HOMER1: variants seen among roughly 807,000 people sequenced by gnomAD.
HOMER1 encodes homer protein homolog 1.
HOMER1 carries 3 observed loss-of-function variants against 48.9 expected under a neutral mutation model. That is an observed-to-expected ratio of 0.06 (90% CI 0.03 to 0.16). The LOEUF (loss-of-function observed/expected upper bound fraction) is 0.16. HOMER1 is among the 10% of genes least tolerant of loss of function. HOMER1 has a pLI of 1.00. For synonymous variants in HOMER1, 134 were observed against 146.4 expected, an observed-to-expected ratio of 0.92 and a Z score of 0.61; for missense variants, 247 against 411.4, an observed-to-expected ratio of 0.60 and a Z score of 3.46.
At chr5:79,452,818 TAC>T (rs1430184813) in intron 2 of HOMER1, among the ~76,000 whole-genome samples, 1 of 152,218 alleles carries the variant, frequency 6.6e-6, no homozygotes, top group Non-Finnish European at 1.5e-5. Flanking sequence ...TTCATACTTA[TAC>T]AGTTTCCTTA....
chr5:79,501,519 T>G (rs188263561), intron 1 of HOMER1, among the ~76,000 whole-genome samples: 18 of 152,324 alleles, frequency 1.2e-4, no homozygotes, highest in African/African-American at 2.6e-4. Context: ...ATGCGAGACT[T>G]ACTTACACTA....
At position 79,471,959 on chromosome 5, in the gene HOMER1, T is replaced by C. The variant is rs866556828; in HGVS notation, c.6-14941A>G. On this transcript the variant is annotated intron_variant, in intron 1 of 8. Transcript: ENST00000334082. ...CAAGTAGAGCCATTCTTGGTCACTC[T>C]ATGTAAAAATTGCAGTCCCTTCCAG... 8.5e-5 allele frequency among the ~76,000 whole-genome samples: 13 copies of C among 152,348 alleles called. No homozygotes were observed. The South Asian group carries it at 1.7e-3, about 19-fold the overall frequency.
Position 79,423,904 on chromosome 5 carries a change from G to C in HOMER1, c.527+15106C>G, listed in dbSNP as rs552737678. Among the ~76,000 whole-genome samples the C allele has an allele frequency of 3.3e-5, 5 of 152,198 alleles. No homozygotes were observed. In the South Asian group the frequency reaches 1.0e-3, roughly 32 times the overall value. On this transcript the variant is annotated intron_variant, in intron 5 of 8. Transcript: ENST00000334082. ...GCAATCCCTTCATTTTTGAGACAGA[G>C]ATGATGGTAGGAATGTCATATTTTT... is the stretch of plus-strand genomic sequence containing the variant.
chr5:79,438,952 C>A, intron 5 of HOMER1, 58 bp downstream of exon 5: 1 of 1,499,952 alleles, frequency 6.7e-7, no homozygotes. Context: ...GTTCCTGAAA[C>A]CAAACATTTC....
intron 1 of HOMER1, among the ~76,000 whole-genome samples, chr5:79,502,992 G>T (rs182330121): frequency 8.9e-4 from 135 of 152,050 alleles, no homozygotes; most frequent in Non-Finnish European, 1.2e-3. Context: ...GGGTTTCACC[G>T]TGTTAGCCAG....
At chr5:79,499,069 T>C (rs934089638) in intron 1 of HOMER1, among the ~76,000 whole-genome samples, 2 of 152,010 alleles carry the variant, frequency 1.3e-5, no homozygotes, top group African/African-American at 4.8e-5. Context: ...CTCCTGATCT[T>C]GTGATCTGCC....
chr5:79,410,606 T>C (rs1749792079), intron 5 of HOMER1, among the ~76,000 whole-genome samples: 1 of 152,018 alleles, frequency 6.6e-6, no homozygotes, highest in African/African-American at 2.4e-5. Context: ...TCATCAAGTA[T>C]AATAAATGCT....
chr5:79,426,513 G>A (rs972680648), intron 5 of HOMER1, among the ~76,000 whole-genome samples: 6 of 151,988 alleles, frequency 3.9e-5, no homozygotes, highest in African/African-American at 1.4e-4. Context: ...AATGGAACTA[G>A]AGAACATTAT....
intron 1 of HOMER1, among the ~76,000 whole-genome samples, chr5:79,504,351 G>A (rs1752688646): frequency 6.7e-6 from 1 of 149,160 alleles, no homozygotes; most frequent in Non-Finnish European, 1.5e-5. Context: ...TAAAAGCCAT[G>A]AGACAGTGAT....
intron 1 of HOMER1, among the ~76,000 whole-genome samples, chr5:79,504,727 G>A (rs529240950): frequency 6.6e-6 from 1 of 152,220 alleles, no homozygotes; most frequent in East Asian, 1.9e-4. Context: ...AACTACTTAA[G>A]ATTGAGATAT....
At chr5:79,475,194 C>A (rs1272988397) in intron 1 of HOMER1, among the ~76,000 whole-genome samples, 1 of 152,234 alleles carries the variant, frequency 6.6e-6, no homozygotes, top group East Asian at 1.9e-4. Context: ...TCCCATCCCC[C>A]TTTTGAAGAT....
At chr5:79,436,903 T>C (rs979695870) in intron 5 of HOMER1, among the ~76,000 whole-genome samples, 3 of 152,316 alleles carry the variant, frequency 2.0e-5, no homozygotes, top group South Asian at 2.1e-4. Flanking sequence ...GTGAAGTATT[T>C]TTCTGTAAGA....
Position 79,497,597 on chromosome 5 carries a change from G to A in HOMER1, c.5+15173C>T, listed in dbSNP as rs143493832. On this transcript the variant is annotated intron_variant, in intron 1 of 8. Coordinates refer to ENST00000334082, the MANE Select transcript of HOMER1 (RefSeq NM_004272.5). Reference sequence around the variant, plus strand: ...GGAGAATCATTTGAACCCGGGAGGCGGAGGTTGCAGTGAGCCAAGATCGTG... The same window carrying A: ...GGAGAATCATTTGAACCCGGGAGGCAGAGGTTGCAGTGAGCCAAGATCGTG... 1.1e-3 allele frequency among the ~76,000 whole-genome samples: 160 copies of A among 151,386 alleles called. 1 individual carries two copies. In the East Asian group the frequency reaches 0.016, roughly 15 times the overall value.
chr5:79,386,547 G>A (rs558238002), intron 8 of HOMER1, among the ~76,000 whole-genome samples: 51 of 152,180 alleles, frequency 3.4e-4, no homozygotes, highest in Admixed American at 5.2e-4. Flanking sequence ...AAGTTCTAAT[G>A]TTTGATAGCA....
At chr5:79,491,002 A>C (rs1365582442) in intron 1 of HOMER1, among the ~76,000 whole-genome samples, 5 of 148,788 alleles carry the variant, frequency 3.4e-5, no homozygotes, top group Non-Finnish European at 7.5e-5. Context: ...AGGAAAAAAA[A>C]TTAAGTGGAT....
At chr5:79,466,142 C>A (rs1235716405) in intron 1 of HOMER1, among the ~76,000 whole-genome samples, 1 of 151,868 alleles carries the variant, frequency 6.6e-6, no homozygotes. Flanking sequence ...TCCTTACCAC[C>A]CATTAAAAAC....
In HOMER1 at chr5:79,389,600, G is replaced by A. The variant is rs188245545; in HGVS notation, c.876+7223C>T. 3.9e-5 allele frequency among the ~76,000 whole-genome samples: 6 copies of A among 152,312 alleles called. No homozygotes were observed. The East Asian group carries it at 1.2e-3, about 29-fold the overall frequency. ...GGCTTGCTCTTCCATCTTCCCCGAT[G>A]TGAGGAGGCCGCATTCATTCCCTCT... is the stretch of plus-strand genomic sequence containing the variant. On this transcript the variant is annotated intron_variant, in intron 8 of 8. Transcript: ENST00000334082.
At chr5:79,509,234 G>A (rs760225836) in intron 1 of HOMER1, among the ~76,000 whole-genome samples, 1 of 152,158 alleles carries the variant, frequency 6.6e-6, no homozygotes, top group Non-Finnish European at 1.5e-5. Flanking sequence ...CCCATAGGCA[G>A]GTGAGATAAA....
At chr5:79,456,006 T>G (rs1177299609) in intron 2 of HOMER1, among the ~76,000 whole-genome samples, 1 of 151,772 alleles carries the variant, frequency 6.6e-6, no homozygotes, top group Non-Finnish European at 1.5e-5. Flanking sequence ...AATACAAAAA[T>G]TATCCAGGCA....
Sources: allele counts gnomAD v4.1 joint callset (sites outside exome capture counted in the v4.1 genomes callset), GRCh38; gene constraint gnomAD v4.1.1; transcripts MANE v1.5; gene names NCBI Gene and HGNC (gene_info 2026-07-23, HGNC 2026-07-21).